LHFPL2: variants seen among roughly 807,000 people sequenced by gnomAD.
LHFPL2 encodes LHFPL tetraspan subfamily member 2 protein.
LHFPL2 carries 7 observed loss-of-function variants against 17.5 expected under a neutral mutation model. That is an observed-to-expected ratio of 0.40 (90% confidence interval 0.23 to 0.75). The LOEUF (loss-of-function observed/expected upper bound fraction) is 0.75. Ranked by LOEUF, LHFPL2 falls within the 30% of genes least tolerant of loss-of-function variation. The pLI is 0.37. For missense variants in LHFPL2, 241 were observed against 294.8 expected (o/e 0.82, Z 1.34); for synonymous variants, 134 against 116.2 (o/e 1.15, Z -0.99).
intron 2 of LHFPL2, among the ~76,000 whole-genome samples, chr5:78,607,898 A>C (rs1487879431): frequency 1.3e-5 from 2 of 152,244 alleles, no homozygotes; most frequent in Non-Finnish European, 2.9e-5. Context: ...GGGAGCACAA[A>C]GTGAATGTTA....
chr5:78,579,604 G>C (rs911617960), intron 2 of LHFPL2, among the ~76,000 whole-genome samples: 1 of 151,302 alleles, frequency 6.6e-6, no homozygotes, highest in Non-Finnish European at 1.5e-5. Context: ...TTGGTTTTTT[G>C]TTCTTGCGAT....
At chr5:78,543,907 TTTGA>T (rs1216317811) in intron 3 of LHFPL2, among the ~76,000 whole-genome samples, 1 of 152,216 alleles carries the variant, frequency 6.6e-6, no homozygotes, top group Admixed American at 6.5e-5. Context: ...TGACTTTGCC[TTTGA>T]TTGTCTCTTG....
At chr5:78,564,162 T>C (rs1293859003) in intron 3 of LHFPL2, among the ~76,000 whole-genome samples, 4 of 152,152 alleles carry the variant, frequency 2.6e-5, no homozygotes, top group Non-Finnish European at 5.9e-5. Flanking sequence ...CCTGGCTGAA[T>C]AGGCTTCTCC....
intron 4 of LHFPL2, among the ~76,000 whole-genome samples, chr5:78,497,796 C>T (rs1162377703): frequency 6.6e-6 from 1 of 152,234 alleles, no homozygotes; most frequent in Non-Finnish European, 1.5e-5. Flanking sequence ...TAACTGCCTG[C>T]ACTGAAAACC....
At chr5:78,528,713 C>T (rs1206695083) in intron 3 of LHFPL2, among the ~76,000 whole-genome samples, 1 of 152,206 alleles carries the variant, frequency 6.6e-6, no homozygotes, top group African/African-American at 2.4e-5. Context: ...AAATGCACCA[C>T]CCCTTAACTC....
chr5:78,635,020 G>T (rs960792702), intron 1 of LHFPL2, among the ~76,000 whole-genome samples: 1 of 152,198 alleles, frequency 6.6e-6, no homozygotes, highest in Admixed American at 6.5e-5. Flanking sequence ...GCCGTGGAGT[G>T]GGTCAGTTCT....
At chr5:78,554,810 G>A (rs747922602) in intron 3 of LHFPL2, among the ~76,000 whole-genome samples, 7 of 152,108 alleles carry the variant, frequency 4.6e-5, no homozygotes, top group South Asian at 2.1e-4. Context: ...TTCTAAAAAC[G>A]GATTGGATTT....
intron 2 of LHFPL2, among the ~76,000 whole-genome samples, chr5:78,578,490 G>T (rs191039002): frequency 6.6e-6 from 1 of 151,856 alleles, no homozygotes; most frequent in Non-Finnish European, 1.5e-5. Context: ...CTTGCAAGAC[G>T]GAAGGTTCTG....
At chr5:78,627,452 C>T (rs1363333184) in intron 2 of LHFPL2, among the ~76,000 whole-genome samples, 1 of 152,166 alleles carries the variant, frequency 6.6e-6, no homozygotes, top group Admixed American at 6.5e-5. Flanking sequence ...GTGGCTAGTA[C>T]AAAGAACTGT....
At chr5:78,523,009 T>C (rs980504648) in intron 3 of LHFPL2, among the ~76,000 whole-genome samples, 1 of 152,154 alleles carries the variant, frequency 6.6e-6, no homozygotes, top group Non-Finnish European at 1.5e-5. Context: ...CACTTCTTAA[T>C]AGAAGTCAAG....
At chr5:78,559,402 T>G (rs1196370557) in intron 3 of LHFPL2, among the ~76,000 whole-genome samples, 1 of 152,142 alleles carries the variant, frequency 6.6e-6, no homozygotes, top group African/African-American at 2.4e-5. Flanking sequence ...CCTGCCCTTG[T>G]GAAGTTTATA....
chr5:78,607,574 C>T (rs1225713495), intron 2 of LHFPL2, among the ~76,000 whole-genome samples: 1 of 152,202 alleles, frequency 6.6e-6, no homozygotes, highest in Non-Finnish European at 1.5e-5. Flanking sequence ...TACCCCCATC[C>T]AGTTGGTTCC....
At chr5:78,529,961 A>G (rs1434170461) in intron 3 of LHFPL2, among the ~76,000 whole-genome samples, 2 of 152,246 alleles carry the variant, frequency 1.3e-5, no homozygotes, top group African/African-American at 2.4e-5. Flanking sequence ...AAATTACAAT[A>G]AAATCTACCT....
At chr5:78,613,359 C>A (rs953031032) in intron 2 of LHFPL2, among the ~76,000 whole-genome samples, 20 of 152,252 alleles carry the variant, frequency 1.3e-4, no homozygotes, top group Middle Eastern at 3.4e-3. Context: ...GCAAGGAGAT[C>A]GTCCCAGCCT....
chr5:78,556,012 AG>A (rs1396917412), intron 3 of LHFPL2, among the ~76,000 whole-genome samples: 1 of 152,198 alleles, frequency 6.6e-6, no homozygotes, highest in East Asian at 1.9e-4. Flanking sequence ...CAAAAGTACC[AG>A]GGCAGGATGA....
intron 1 of LHFPL2, chr5:78,642,076 TC>T (rs1745686286): frequency 6.6e-6 from 1 of 152,196 alleles, no homozygotes; most frequent in South Asian, 2.1e-4. Flanking sequence ...AGGGCCCTCT[TC>T]CTGGCTTGCA....
At chr5:78,597,808 T>C (rs2112468903) in intron 2 of LHFPL2, among the ~76,000 whole-genome samples, 1 of 152,324 alleles carries the variant, frequency 6.6e-6, no homozygotes, top group East Asian at 1.9e-4. Context: ...CTATTTGTGA[T>C]GGAATTCAGT....
Position 78,584,993 on chromosome 5 carries a change from G to GTTTT in LHFPL2, c.-244-20123_-244-20122insAAAA, listed in dbSNP as rs1561352310. ...GCGGGATATAATCTCCTGGTGCGCTGTGTTTTTTTTTTTTTTTTTTTTTTT... is the reference window on the plus strand; with the variant it reads ...GCGGGATATAATCTCCTGGTGCGCTGTTTTTGTTTTTTTTTTTTTTTTTTTTTTT... On this transcript the variant is annotated intron_variant, in intron 2 of 4. Transcript: ENST00000380345. Among the ~76,000 whole-genome samples the GTTTT allele has an allele frequency of 2.6e-4, 22 of 84,774 alleles. 4 individuals are homozygous for GTTTT. Among genetic ancestry groups the GTTTT allele is most frequent in the African/African-American group, 1.1e-3 (22 of 20,192 alleles). The allele number at this position is 84,774 out of a possible 152,430, so 55.6% of individuals were successfully genotyped here.
chr5:78,489,157 CAGAACAAAAG>C lies in LHFPL2; in HGVS notation c.431-14_431-5del, dbSNP rs1225211050. ...AAACCGAGGATAAGGAATAGACCTG[CAGAACAAAAG>C]AGAAAACAGATTAGAAAATCCCCAT... On this transcript the variant is annotated splice_region_variant and splice_polypyrimidine_tract_variant and intron_variant, in intron 4 of 4. Coordinates refer to ENST00000380345, the MANE Select transcript of LHFPL2 (RefSeq NM_005779.3). 1.9e-6 allele frequency: 3 copies of C among 1,613,676 alleles called. No individual in the cohort carries two copies. The highest frequency in any genetic ancestry group is 2.5e-6 in the Non-Finnish European group (3 of 1,179,810).
Sources: gnomAD v4.1 joint callset for allele counts (sites outside exome capture counted in the v4.1 genomes callset) on GRCh38, gnomAD v4.1.1 for gene constraint, MANE v1.5 for transcripts, NCBI Gene and HGNC (gene_info 2026-07-23, HGNC 2026-07-21) for gene names.